RBM20: variants seen among roughly 807,000 people sequenced by gnomAD.
The protein encoded by RBM20 is RNA-binding protein 20.
In RBM20, 51 loss-of-function variants were observed where a neutral mutation model predicts 110.1. The ratio of observed to expected loss-of-function variants is 0.46; its 90% CI spans 0.37 to 0.59. RBM20 has a LOEUF of 0.59. Ranked by LOEUF, RBM20 falls within the 20% of genes least tolerant of loss-of-function variation. RBM20 has a pLI of 0.00. For synonymous variants in RBM20, 589 were observed against 618.2 expected (o/e 0.95, Z 0.70); for missense variants, 1,512 against 1,574.9 (o/e 0.96, Z 0.68).
At chr10:110,643,903 G>T (rs375868462), upstream of RBM20, among the ~76,000 whole-genome samples, 1 of 152,186 alleles carries the variant, frequency 6.6e-6, no homozygotes, top group South Asian at 2.1e-4. Flanking sequence ...GATGCGCGCG[G>T]ACGTCCCGGG....
At chr10:110,811,962 A>G (rs900943626) in intron 8 of RBM20, among the ~76,000 whole-genome samples, 1 of 152,186 alleles carries the variant, frequency 6.6e-6, no homozygotes, top group Non-Finnish European at 1.5e-5. Flanking sequence ...CCCTGAGCAT[A>G]GCTCCCTTCC....
In RBM20 at chr10:110,751,057, G is replaced by C. The variant is rs1029582030; in HGVS notation, c.192-29744G>C. On this transcript the variant is annotated intron_variant, in intron 1 of 13. Transcript: ENST00000369519. Reference sequence around the variant, plus strand: ...TTTTTGCCAGCAGAGAGAGGGCTTTGAAGGTAAGAGGAAGGTAGTGTGGTT... The same window carrying C: ...TTTTTGCCAGCAGAGAGAGGGCTTTCAAGGTAAGAGGAAGGTAGTGTGGTT... 4.6e-5 allele frequency among the ~76,000 whole-genome samples: 7 copies of C among 152,286 alleles called. No homozygotes were observed. The South Asian group carries it at 1.5e-3, about 32-fold the overall frequency.
Position 110,781,056 on chromosome 10 carries a change from T to A in RBM20, c.447T>A (p.His149Gln). ...CTGTGATCACTGGCCCCCACGGCCA[T>A]GCTGGGGTTCCCCAACATGCTGCAG... is the stretch of plus-strand genomic sequence containing the variant. ...HPSVITGPHG[H>Q]AGVPQHAAAI... The change falls in exon 2 of 14, where the codon CAT becomes CAA. Residue 149 changes from histidine to glutamine, a missense_variant. His to Gln is a conservative substitution (Grantham distance 24, BLOSUM62 0). Around this residue, in one of 3 missense-constraint regions of RBM20, gnomAD observed 1,149 missense variants for 1,169.4 expected, o/e 0.98. Coordinates refer to ENST00000369519, the MANE Select transcript of RBM20 (RefSeq NM_001134363.3). The A allele has an allele frequency of 1.3e-6, 2 of 1,551,894 alleles. No homozygotes were observed. Among genetic ancestry groups the A allele is most frequent in the Non-Finnish European group, 1.7e-6 (2 of 1,147,030 alleles).
chr10:110,758,861 G>A (rs1224328546), intron 1 of RBM20, among the ~76,000 whole-genome samples: 1 of 152,182 alleles, frequency 6.6e-6, no homozygotes, highest in Non-Finnish European at 1.5e-5. Flanking sequence ...AGGTACTGAG[G>A]ATATGTCACC....
At chr10:110,690,364 C>G (rs969931197) in intron 1 of RBM20, among the ~76,000 whole-genome samples, 3 of 152,070 alleles carry the variant, frequency 2.0e-5, no homozygotes, top group Non-Finnish European at 4.4e-5. Flanking sequence ...TGTGATAGTG[C>G]CACTGCATTC....
chr10:110,768,644 C>G (rs1844142774), intron 1 of RBM20, among the ~76,000 whole-genome samples: 2 of 152,132 alleles, frequency 1.3e-5, no homozygotes, highest in African/African-American at 4.8e-5. Flanking sequence ...TCAGTTGAAC[C>G]AGTATTTGTT....
rs1188104653 is a variant in RBM20, at chr10:110,672,496, GA to G, written c.191+27852del. Among the ~76,000 whole-genome samples the G allele has an allele frequency of 2.6e-5, 4 of 152,342 alleles. No homozygotes were observed. The South Asian group carries it at 8.3e-4, about 32-fold the overall frequency. On this transcript the variant is annotated intron_variant, in intron 1 of 13. Coordinates refer to ENST00000369519, the MANE Select transcript of RBM20 (RefSeq NM_001134363.3). Reference sequence around the variant, plus strand: ...TGCTGCCGTCCTCCCTCGCCCGGCGGAGCTTCCGTGATCGTCAGCCAAAGCC... The same window carrying G: ...TGCTGCCGTCCTCCCTCGCCCGGCGGGCTTCCGTGATCGTCAGCCAAAGCC...
At chr10:110,728,306 C>T (rs930352221) in intron 1 of RBM20, among the ~76,000 whole-genome samples, 1 of 152,134 alleles carries the variant, frequency 6.6e-6, no homozygotes, top group African/African-American at 2.4e-5. Flanking sequence ...GCCCAGGGCC[C>T]CTGCCATAAA....
rs1461464175 is a variant in RBM20, at chr10:110,752,954, T to A, written c.192-27847T>A. On this transcript the variant is annotated intron_variant, in intron 1 of 13. Transcript: ENST00000369519. Reference sequence around the variant, plus strand: ...ATATATATATATATATATTTTTTTTTTTTTTATGAAGTCTCCCTCTGTTGC... The same window carrying A: ...ATATATATATATATATATTTTTTTTATTTTTATGAAGTCTCCCTCTGTTGC... Among the ~76,000 whole-genome samples the A allele has an allele frequency of 1.1e-3, 158 of 143,956 alleles. 1 individual carries two copies. Among genetic ancestry groups the A allele is most frequent in the African/African-American group, 3.2e-3 (125 of 38,924 alleles). The allele number at this position is 143,956 out of a possible 152,430, so 94.4% of individuals were successfully genotyped here.
intron 1 of RBM20, among the ~76,000 whole-genome samples, chr10:110,752,945 A>ATAT (rs1433992064): frequency 1.1e-3 from 116 of 108,992 alleles, no homozygotes; most frequent in South Asian, 3.3e-3. Context: ...ATATATATAT[A>ATAT]TTTTTTTTTT....
chr10:110,799,006 G>C (rs1183139719), intron 6 of RBM20, among the ~76,000 whole-genome samples: 2 of 152,206 alleles, frequency 1.3e-5, no homozygotes, highest in Non-Finnish European at 2.9e-5. Flanking sequence ...TGTTTTATCA[G>C]AGCAGTTAAA....
At chr10:110,673,036 T>C (rs1862284650) in intron 1 of RBM20, among the ~76,000 whole-genome samples, 1 of 152,198 alleles carries the variant, frequency 6.6e-6, no homozygotes. Flanking sequence ...CACTCTACTT[T>C]TGAATATTTA....
intron 1 of RBM20, among the ~76,000 whole-genome samples, chr10:110,689,665 G>T (rs56359622): frequency 1.3e-5 from 2 of 152,214 alleles, no homozygotes; most frequent in African/African-American, 2.4e-5. Flanking sequence ...GGGAAATTCC[G>T]TGGAAAGCCT....
intron 1 of RBM20, among the ~76,000 whole-genome samples, chr10:110,760,061 TTGA>T (rs1241147276): frequency 6.6e-6 from 1 of 152,206 alleles, no homozygotes; most frequent in Non-Finnish European, 1.5e-5. Flanking sequence ...AGAAGCTATC[TTGA>T]TGTTGATGAC....
chr10:110,702,408 C>T (rs983080435), intron 1 of RBM20, among the ~76,000 whole-genome samples: 5 of 152,092 alleles, frequency 3.3e-5, no homozygotes, highest in Admixed American at 6.6e-5. Context: ...AGATGGTACA[C>T]ACCTGTAGTC....
At chr10:110,730,243 CAA>C in intron 1 of RBM20, among the ~76,000 whole-genome samples, 1 of 152,242 alleles carries the variant, frequency 6.6e-6, no homozygotes, top group East Asian at 1.9e-4. Flanking sequence ...AGAACACATT[CAA>C]GATGGTTTCC....
At chr10:110,644,113 G>A (rs942262155), upstream of RBM20, among the ~76,000 whole-genome samples, 2 of 152,162 alleles carry the variant, frequency 1.3e-5, no homozygotes, top group Non-Finnish European at 2.9e-5. The surrounding 1 kb of genome is among the most constrained non-coding windows in gnomAD (Gnocchi z 4.3). Flanking sequence ...GTGGCGGGTG[G>A]CGTACGCCGC....
At chr10:110,722,688 T>C (rs1225283535) in intron 1 of RBM20, among the ~76,000 whole-genome samples, 1 of 152,228 alleles carries the variant, frequency 6.6e-6, no homozygotes, top group Non-Finnish European at 1.5e-5. Flanking sequence ...GTCACTGTTA[T>C]CAGCTTGTTT....
chr10:110,820,253 C>A, intron 10 of RBM20, 77 bp downstream of exon 10: 1 of 955,870 alleles, frequency 1.0e-6, no homozygotes, highest in Non-Finnish European at 1.6e-6. Context: ...CTGGTGATGT[C>A]CTGCTGGATG....
Sources: gnomAD v4.1 joint callset for allele counts (sites outside exome capture counted in the v4.1 genomes callset) on GRCh38, gnomAD v4.1.1 for gene constraint, gnomAD v4.1.1 regional missense constraint, Gnocchi (gnomAD v3.1) non-coding constraint, MANE v1.5 for transcripts, NCBI Gene and HGNC (gene_info 2026-07-23, HGNC 2026-07-21) for gene names.